The following CSMD1 variants were observed in gnomAD, a reference collection of about 807,000 sequenced individuals.
CSMD1 encodes the protein CUB and Sushi multiple domains 1, also known as CUB and sushi domain-containing protein 1.
A neutral mutation model predicts 417.5 loss-of-function variants in CSMD1; 213 were observed. That is an observed-to-expected ratio of 0.51 (90% confidence interval 0.46 to 0.57). The LOEUF (loss-of-function observed/expected upper bound fraction) is 0.57, where lower values mean the gene tolerates loss of function less well. Ranked by LOEUF, CSMD1 falls within the 20% of genes least tolerant of loss-of-function variation. The probability of loss-of-function intolerance (pLI) is 0.00; values close to 1 mark genes in which losing one functional copy is unlikely to be tolerated. For missense variants in CSMD1, 6,923 were observed against 4,529.7 expected (o/e 1.53, Z -15.17); for synonymous variants, 2,862 against 1,736.8 (o/e 1.65, Z -16.11).
chr8:4,026,145 T>C (rs1050537357), intron 4 of CSMD1, among the ~76,000 whole-genome samples: 9 of 152,220 alleles, frequency 5.9e-5, no homozygotes, highest in African/African-American at 2.2e-4. Context: ...ACATCTCTCA[T>C]AAATATGTCA....
At chr8:3,704,289 G>A (rs977981698) in intron 7 of CSMD1, among the ~76,000 whole-genome samples, 5 of 152,218 alleles carry the variant, frequency 3.3e-5, no homozygotes, top group Non-Finnish European at 5.9e-5. Context: ...CAGCACAGAA[G>A]CCTTCTGTTC....
At chr8:4,978,813 C>G (rs562441726) in intron 1 of CSMD1, among the ~76,000 whole-genome samples, 1 of 152,278 alleles carries the variant, frequency 6.6e-6, no homozygotes, top group South Asian at 2.1e-4. Flanking sequence ...TGGCAGGTGC[C>G]TGTAATCCCA....
rs968338383 is a variant in CSMD1, at chr8:3,815,506, A to T, written c.819-61464T>A. On this transcript the variant is annotated intron_variant, in intron 5 of 69. Transcript: ENST00000635120. ...AGTTAAACTCAAAAATATGTGTAAG[A>T]CTATGTTTAAACAAGATATCAAACA... Among the ~76,000 whole-genome samples, 8 of 151,852 alleles carry T rather than the reference A, an allele frequency of 5.3e-5. No individual in the cohort carries two copies. The East Asian group carries it at 1.2e-3, about 22-fold the overall frequency.
At chr8:3,225,140 G>T (rs1315554346) in intron 27 of CSMD1, among the ~76,000 whole-genome samples, 1 of 152,096 alleles carries the variant, frequency 6.6e-6, no homozygotes, top group Non-Finnish European at 1.5e-5. Flanking sequence ...GAAGGAACAT[G>T]CTTCACAATT....
intron 9 of CSMD1, among the ~76,000 whole-genome samples, chr8:3,583,917 GA>G (rs1800489889): frequency 6.6e-6 from 1 of 151,480 alleles, no homozygotes; most frequent in African/African-American, 2.4e-5. Flanking sequence ...TTGTCCCTCT[GA>G]AGTGTCAGCA....
chr8:3,121,869 T>G (rs938567801), intron 41 of CSMD1, among the ~76,000 whole-genome samples: 1 of 152,108 alleles, frequency 6.6e-6, no homozygotes, highest in Non-Finnish European at 1.5e-5. Context: ...AAGATCAGTG[T>G]GAATATCAAG....
chr8:4,562,212 T>C (rs1281982114), intron 2 of CSMD1, among the ~76,000 whole-genome samples: 3 of 152,026 alleles, frequency 2.0e-5, no homozygotes, highest in Non-Finnish European at 4.4e-5. Flanking sequence ...TTGAGCCAAG[T>C]CCTGGAAGAA....
At chr8:3,796,073 A>G (rs1351587489) in intron 5 of CSMD1, among the ~76,000 whole-genome samples, 1 of 41,240 alleles carries the variant, frequency 2.4e-5, no homozygotes, top group East Asian at 5.5e-4. Context: ...TATCTATCAT[A>G]GATATAGATA....
chr8:4,616,302 T>C (rs1871123), intron 2 of CSMD1, among the ~76,000 whole-genome samples: 10,861 of 152,246 alleles, frequency 0.071, 603 homozygotes, highest in East Asian at 0.19. Context: ...AATGAATGTT[T>C]TCTTCAGGAA....
At chr8:4,803,109 A>G (rs1798395751) in intron 1 of CSMD1, among the ~76,000 whole-genome samples, 1 of 152,202 alleles carries the variant, frequency 6.6e-6, no homozygotes, top group Admixed American at 6.5e-5. Flanking sequence ...CTTATTTAAA[A>G]GATCATGTAT....
chr8:3,977,722 G>T (rs62501202), intron 5 of CSMD1, among the ~76,000 whole-genome samples: 12,741 of 152,226 alleles, frequency 0.084, 631 homozygotes, highest in African/African-American at 0.12. Flanking sequence ...GCCTGGAAAT[G>T]AAATATTAAT....
intron 1 of CSMD1, among the ~76,000 whole-genome samples, chr8:4,879,841 TGCAATTTTTATTTG>T (rs1373891507): frequency 2.0e-5 from 3 of 152,096 alleles, no homozygotes; most frequent in Non-Finnish European, 4.4e-5. Context: ...GATAAAAATA[TGCAATTTTTATTTG>T]GCAAATAAAA....
chr8:4,857,694 C>T (rs1411112146), intron 1 of CSMD1, among the ~76,000 whole-genome samples: 3 of 152,024 alleles, frequency 2.0e-5, no homozygotes, highest in Non-Finnish European at 4.4e-5. Context: ...GACACATACA[C>T]TCTCCCAAGA....
intron 5 of CSMD1, among the ~76,000 whole-genome samples, chr8:3,787,344 T>A (rs1003591106): frequency 6.6e-6 from 1 of 152,164 alleles, no homozygotes; most frequent in East Asian, 1.9e-4. Context: ...AACAGTTCAA[T>A]GTTGATGCCA....
At chr8:4,217,202 G>C (rs919264593) in intron 3 of CSMD1, among the ~76,000 whole-genome samples, 1 of 152,106 alleles carries the variant, frequency 6.6e-6, no homozygotes, top group African/African-American at 2.4e-5. Flanking sequence ...CAAAGTTATA[G>C]CTAGCAACAA....
At chr8:3,415,970 C>T (rs1205586516) in intron 12 of CSMD1, among the ~76,000 whole-genome samples, 4 of 152,080 alleles carry the variant, frequency 2.6e-5, no homozygotes, top group African/African-American at 9.7e-5. Context: ...TAGCCACTAG[C>T]TACAGTGACT....
chr8:3,247,995 T>C (rs887848703), intron 26 of CSMD1, among the ~76,000 whole-genome samples: 2 of 152,170 alleles, frequency 1.3e-5, no homozygotes, highest in East Asian at 3.9e-4. Flanking sequence ...GTTTACTTTC[T>C]ACATCAACAT....
intron 2 of CSMD1, among the ~76,000 whole-genome samples, chr8:4,446,733 C>A (rs1012236036): frequency 7.5e-6 from 1 of 134,038 alleles, no homozygotes; most frequent in Non-Finnish European, 1.6e-5. Flanking sequence ...GTGTGTGTGT[C>A]TGTGTGTGTG....
intron 7 of CSMD1, among the ~76,000 whole-genome samples, chr8:3,699,223 G>A (rs531357053): frequency 6.6e-6 from 1 of 152,314 alleles, no homozygotes; most frequent in East Asian, 1.9e-4. Flanking sequence ...AATGTAGACT[G>A]ACAATTAGTT....
Sources: gnomAD v4.1 joint callset for allele counts (sites outside exome capture counted in the v4.1 genomes callset) on GRCh38, gnomAD v4.1.1 for gene constraint, MANE v1.5 for transcripts, NCBI Gene and HGNC (gene_info 2026-07-23, HGNC 2026-07-21) for gene names.